Variants in RNF145 observed in about 807,000 individuals in gnomAD.
RNF145 encodes ring finger protein 145.
RNF145 carries 12 observed loss-of-function variants against 57.3 expected under a neutral mutation model. The ratio of observed to expected loss-of-function variants is 0.21; its 90% CI spans 0.13 to 0.34. RNF145 has a LOEUF of 0.34. Ranked by LOEUF, RNF145 falls within the 10% of genes least tolerant of loss-of-function variation. RNF145 has a pLI of 1.00. For missense variants in RNF145, 429 were observed against 799.0 expected (o/e 0.54, Z 5.58); for synonymous variants, 262 against 288.3 (o/e 0.91, Z 0.92).
intron 3 of RNF145, among the ~76,000 whole-genome samples, chr5:159,190,347 C>T (rs1458736659): frequency 2.0e-5 from 3 of 151,934 alleles, no homozygotes; most frequent in Admixed American, 1.3e-4. Flanking sequence ...GAGCTATATA[C>T]TTTAATCAGG....
chr5:159,158,187 G>C lies in RNF145; in HGVS notation c.*483C>G. 1 of 163,054 alleles carries C rather than the reference G, an allele frequency of 6.1e-6. No individual in the cohort carries two copies. Among genetic ancestry groups the C allele is most frequent in the Admixed American group, 5.7e-5 (1 of 17,606 alleles). 10.1% of individuals were successfully genotyped at this position (163,054 alleles called of 1,614,324 possible). A position where few individuals can be genotyped will look rare whatever the true frequency, so the allele number is the denominator to read the frequency against. ...TCACCTGACTGAGCTCCAATTAACTGAGGAGAAACGGGGTGGAGGAGAGGG... is the reference window on the plus strand; with the variant it reads ...TCACCTGACTGAGCTCCAATTAACTCAGGAGAAACGGGGTGGAGGAGAGGG... On this transcript the variant is annotated 3_prime_UTR_variant, in exon 11 of 11. Transcript: ENST00000424310.
At chr5:159,181,874 T>A (rs1055159466) in intron 4 of RNF145, 86 bp downstream of exon 4, 100 of 740,426 alleles carry the variant, frequency 1.4e-4, no homozygotes, top group Non-Finnish European at 1.7e-4. Context: ...AATTCCGTTT[T>A]AAAAAAAAAT....
chr5:159,162,991 A>G lies in RNF145; in HGVS notation c.1210T>C (p.Phe404Leu). The part of the protein sequence containing the change: ...AYMAYMICQF[F>L]HMDFWLLIII... ...ATAAGAAGCCAAAAATCCATGTGGA[A>G]AAACTGGCAAATCATATAAGCCATA... The change falls in exon 9 of 11, where the codon TTC becomes CTC. Residue 404 changes from phenylalanine (F) to leucine (L), a missense_variant. Transcript: ENST00000424310. The G allele has an allele frequency of 6.2e-7, 1 of 1,613,598 alleles. No homozygotes were observed. The highest frequency in any genetic ancestry group is 8.5e-7 in the Non-Finnish European group (1 of 1,179,864).
intron 3 of RNF145, 133 bp from the exon 4 acceptor site, chr5:159,182,184 T>C: frequency 8.3e-6 from 4 of 483,688 alleles, no homozygotes; most frequent in Non-Finnish European, 1.5e-5. Flanking sequence ...TGAAGAATTA[T>C]ATATAAATGG....
At position 159,169,542 on chromosome 5, in the gene RNF145, C is replaced by T. The variant is rs1224233598; in HGVS notation, c.938+137G>A. On this transcript the variant is annotated intron_variant, in intron 7 of 10. Transcript: ENST00000424310. ...TGTATTTTTTCATAGTATTTTAACC[C>T]AAATGTTGCAACCATTCAAAAAAAA... 3.0e-5 allele frequency: 19 copies of T among 626,144 alleles called. No homozygotes were observed. In the East Asian group the frequency reaches 4.6e-4, roughly 15 times the overall value. 38.8% of individuals were successfully genotyped at this position (626,144 alleles called of 1,614,324 possible). A position where few individuals can be genotyped will look rare whatever the true frequency, so the allele number is the denominator to read the frequency against.
At chr5:159,199,026 G>A (rs1785570781) in intron 2 of RNF145, among the ~76,000 whole-genome samples, 1 of 152,144 alleles carries the variant, frequency 6.6e-6, no homozygotes, top group African/African-American at 2.4e-5. Flanking sequence ...CACCAGCTAG[G>A]TGCTGGGAAT....
chr5:159,160,836 T>C (rs1289690854), intron 10 of RNF145, among the ~76,000 whole-genome samples: 1 of 152,170 alleles, frequency 6.6e-6, no homozygotes, highest in Non-Finnish European at 1.5e-5. Context: ...ACATATTCTC[T>C]CTACCTATGT....
At chr5:159,207,003 G>A (rs1311709753) in intron 1 of RNF145, among the ~76,000 whole-genome samples, 1 of 150,838 alleles carries the variant, frequency 6.6e-6, no homozygotes. Context: ...CACAAGAGGT[G>A]CAACAAATGC....
chr5:159,195,691 C>A (rs988238658), intron 2 of RNF145, among the ~76,000 whole-genome samples: 26 of 152,114 alleles, frequency 1.7e-4, no homozygotes, highest in African/African-American at 6.3e-4. Flanking sequence ...AATTTGGTTC[C>A]TAAACAACTG....
In RNF145 at chr5:159,158,744, G is replaced by A. The variant is rs1784120194; in HGVS notation, c.1918C>T (p.Gln640Ter). The change falls in exon 11 of 11, where the codon CAG becomes TAG. Residue 640 changes from glutamine to a stop codon, truncating the protein, a stop_gained. Coordinates refer to ENST00000424310, the MANE Select transcript of RNF145 (RefSeq NM_001199383.2). LOFTEE classifies it low-confidence loss of function (END_TRUNC). ...NEYIARRPDN[Q>*]EGAFDPKEYP... ...TCTTTGGGGTCAAAAGCCCCTTCCT[G>A]GTTATCTGGTCGTCTGGCAATGTAC... 1.2e-6 allele frequency: 2 copies of A among 1,613,792 alleles called. No individual in the cohort carries two copies. Among genetic ancestry groups the A allele is most frequent in the African/African-American group, 1.3e-5 (1 of 74,892 alleles).
chr5:159,184,482 A>G (rs1344174838), intron 3 of RNF145, among the ~76,000 whole-genome samples: 1 of 152,228 alleles, frequency 6.6e-6, no homozygotes, highest in Non-Finnish European at 1.5e-5. Context: ...GGGGAGATAA[A>G]TACTTAGTCC....
At chr5:159,171,857 G>C (rs1240599061) in intron 6 of RNF145, among the ~76,000 whole-genome samples, 1 of 152,010 alleles carries the variant, frequency 6.6e-6, no homozygotes, top group Non-Finnish European at 1.5e-5. Flanking sequence ...ACCAATATGA[G>C]AACTTCTCAA....
chr5:159,161,524 G>A lies in RNF145; in HGVS notation c.1368C>T (p.Gly456=). 1 of 1,613,880 alleles carries A rather than the reference G, an allele frequency of 6.2e-7. No homozygotes were observed. Among genetic ancestry groups the A allele is most frequent in the South Asian group, 1.1e-5 (1 of 91,074 alleles). ...CAAGAAACTCCAGCAGGCGGTAAGT[G>A]CCATTCACATAGTAGATGACATCAT... The part of the protein sequence containing the change: ...NMDDVIYYVN[G]TYRLLEFLVA... The change falls in exon 10 of 11, where the codon GGC becomes GGT. Residue 456 remains glycine (G), a synonymous_variant. Transcript: ENST00000424310.
At chr5:159,189,833 G>T (rs1455572321) in intron 3 of RNF145, among the ~76,000 whole-genome samples, 2 of 152,200 alleles carry the variant, frequency 1.3e-5, no homozygotes, top group African/African-American at 4.8e-5. Flanking sequence ...GAAATTCAGT[G>T]CATATAAAAT....
At chr5:159,163,377 C>G (rs1019765763) in intron 8 of RNF145, among the ~76,000 whole-genome samples, 2 of 152,316 alleles carry the variant, frequency 1.3e-5, no homozygotes, top group African/African-American at 4.8e-5. Flanking sequence ...AGCCTTAAAC[C>G]TTAACAATTT....
chr5:159,172,232 T>C (rs1784582679), intron 6 of RNF145, among the ~76,000 whole-genome samples: 1 of 152,198 alleles, frequency 6.6e-6, no homozygotes, highest in African/African-American at 2.4e-5. Flanking sequence ...GGTTCACACC[T>C]GTAATCCCAG....
At chr5:159,181,524 T>C (rs931781567) in intron 4 of RNF145, among the ~76,000 whole-genome samples, 1 of 152,160 alleles carries the variant, frequency 6.6e-6, no homozygotes, top group Non-Finnish European at 1.5e-5. Flanking sequence ...CCAACACTTC[T>C]ATTTTTAACA....
At chr5:159,186,994 A>G (rs543686415) in intron 3 of RNF145, among the ~76,000 whole-genome samples, 1 of 149,186 alleles carries the variant, frequency 6.7e-6, no homozygotes, top group South Asian at 2.1e-4. Context: ...AAACAAAAAC[A>G]AAACAGTTGG....
chr5:159,202,779 T>C (rs1055434628), intron 2 of RNF145, among the ~76,000 whole-genome samples: 1 of 152,202 alleles, frequency 6.6e-6, no homozygotes, highest in Non-Finnish European at 1.5e-5. Context: ...GTAAGGATCA[T>C]GATTTTTATT....
Sources: gnomAD v4.1 joint callset for allele counts (sites outside exome capture counted in the v4.1 genomes callset) on GRCh38, gnomAD v4.1.1 for gene constraint, MANE v1.5 for transcripts, NCBI Gene and HGNC (gene_info 2026-07-23, HGNC 2026-07-21) for gene names.